The following GAREM1 variants were observed in gnomAD, a reference collection of about 807,000 sequenced individuals.
GAREM1 encodes the protein GRB2 associated regulator of MAPK1 subtype 1.
GAREM1 carries 26 observed loss-of-function variants against 71.3 expected under a neutral mutation model. That is an observed-to-expected ratio of 0.36 (90% CI 0.27 to 0.51). The LOEUF (loss-of-function observed/expected upper bound fraction) is 0.51. GAREM1 is among the 20% of genes least tolerant of loss of function. The pLI is 0.95. For synonymous variants in GAREM1, 440 were observed against 433.2 expected (o/e 1.02, Z -0.20); for missense variants, 1,026 against 1,103.1 (o/e 0.93, Z 0.99).
intron 4 of GAREM1, among the ~76,000 whole-genome samples, chr18:32,282,457 C>G (rs1460172510): frequency 2.0e-5 from 3 of 152,136 alleles, no homozygotes; most frequent in Non-Finnish European, 4.4e-5. Context: ...GAACACTGAT[C>G]ACTGGGTGCT....
At chr18:32,381,025 T>C (rs2048092144) in intron 2 of GAREM1, among the ~76,000 whole-genome samples, 1 of 151,838 alleles carries the variant, frequency 6.6e-6, no homozygotes, top group African/African-American at 2.4e-5. Flanking sequence ...GAATTCCTCC[T>C]ACTAGATGCA....
intron 4 of GAREM1, among the ~76,000 whole-genome samples, chr18:32,275,688 T>C (rs2041531827): frequency 6.6e-6 from 1 of 152,020 alleles, no homozygotes; most frequent in Admixed American, 6.6e-5. Context: ...GTCTATCTCT[T>C]TTTTTTTGAG....
intron 2 of GAREM1, among the ~76,000 whole-genome samples, chr18:32,363,871 GGTTA>G (rs1443328806): frequency 6.0e-5 from 9 of 149,048 alleles, no homozygotes; most frequent in African/African-American, 2.0e-4. Flanking sequence ...TTTTGGCAAA[GGTTA>G]TCTTTCATCA....
chr18:32,303,182 C>A (rs1598944618), intron 3 of GAREM1, among the ~76,000 whole-genome samples: 1 of 152,200 alleles, frequency 6.6e-6, no homozygotes, highest in South Asian at 2.1e-4. Context: ...ATGGATCTCA[C>A]TAACTAGTTG....
chr18:32,467,916 A>G (rs971319449), intron 1 of GAREM1, among the ~76,000 whole-genome samples: 2 of 152,190 alleles, frequency 1.3e-5, no homozygotes, highest in Admixed American at 6.5e-5. Context: ...ACTGTGTGAA[A>G]CATGTTTAAA....
rs115217743 is a variant in GAREM1 at position 32,441,262 on chromosome 18, T to A, written c.121+29046A>T. Among the ~76,000 whole-genome samples, 351 of 152,162 alleles carry A rather than the reference T, an allele frequency of 2.3e-3. 2 individuals are homozygous for A. Among genetic ancestry groups the A allele is most frequent in the African/African-American group, 8.1e-3 (335 of 41,450 alleles). The stretch of plus-strand genomic sequence containing the variant: ...ACTAAGAATACTTAACAATTTTTTT[T>A]AAAATTCATTTAAGAATTTGGGTTC... On this transcript the variant is annotated intron_variant, in intron 1 of 5. Coordinates refer to ENST00000269209, the MANE Select transcript of GAREM1 (RefSeq NM_001242409.2).
chr18:32,463,451 TCTC>T (rs2048970316), intron 1 of GAREM1, among the ~76,000 whole-genome samples: 2 of 152,224 alleles, frequency 1.3e-5, no homozygotes, highest in East Asian at 1.9e-4. Context: ...TACAATGTCC[TCTC>T]CTATTTTTTT....
At chr18:32,400,173 C>A (rs1258889727) in intron 1 of GAREM1, among the ~76,000 whole-genome samples, 1 of 152,136 alleles carries the variant, frequency 6.6e-6, no homozygotes, top group Non-Finnish European at 1.5e-5. Context: ...AAAATTAATT[C>A]AAGATGGATT....
At chr18:32,427,928 C>T (rs1482218283) in intron 1 of GAREM1, among the ~76,000 whole-genome samples, 1 of 151,818 alleles carries the variant, frequency 6.6e-6, no homozygotes, top group Non-Finnish European at 1.5e-5. Flanking sequence ...AAAAGGGGTC[C>T]TATGAAATTT....
chr18:32,364,024 A>ATTT lies in GAREM1; in HGVS notation c.262+28870_262+28871insAAA, dbSNP rs1292370389. 2.7e-4 allele frequency among the ~76,000 whole-genome samples: 14 copies of ATTT among 52,184 alleles called. 1 individual carries two copies. The highest frequency in any genetic ancestry group is 2.1e-3 in the African/African-American group (14 of 6,586). 34.2% of individuals were successfully genotyped at this position (52,184 alleles called of 152,430 possible). A position where few individuals can be genotyped will look rare whatever the true frequency, so the allele number is the denominator to read the frequency against. On this transcript the variant is annotated intron_variant, in intron 2 of 5. Transcript: ENST00000269209. Reference sequence around the variant, plus strand: ...TATATATATATATATATATATATATATATGTTTTTTTTTTTTTTTTTTTTT... The same window carrying ATTT: ...TATATATATATATATATATATATATATTTTATGTTTTTTTTTTTTTTTTTTTTT...
intron 1 of GAREM1, among the ~76,000 whole-genome samples, chr18:32,411,236 A>T (rs1470401064): frequency 6.6e-6 from 1 of 152,224 alleles, no homozygotes; most frequent in African/African-American, 2.4e-5. Flanking sequence ...TTTCAATTCA[A>T]CTAACAAAAT....
chr18:32,429,023 C>T (rs2048600190), intron 1 of GAREM1, among the ~76,000 whole-genome samples: 1 of 152,022 alleles, frequency 6.6e-6, no homozygotes, highest in African/African-American at 2.4e-5. Flanking sequence ...TTATGTACTA[C>T]CCTCTCCTCT....
At chr18:32,425,776 A>T (rs1386861579) in intron 1 of GAREM1, among the ~76,000 whole-genome samples, 5 of 152,192 alleles carry the variant, frequency 3.3e-5, no homozygotes, top group Non-Finnish European at 7.3e-5. Flanking sequence ...ATCTAATCTA[A>T]GTAGCTCTTG....
chr18:32,345,179 C>T (rs989840364), intron 2 of GAREM1, among the ~76,000 whole-genome samples: 4 of 152,152 alleles, frequency 2.6e-5, no homozygotes, highest in African/African-American at 4.8e-5. Context: ...AGGCATAGTA[C>T]AGTTAGCTCT....
chr18:32,419,343 T>C (rs1687870870), intron 1 of GAREM1, among the ~76,000 whole-genome samples: 1 of 152,068 alleles, frequency 6.6e-6, no homozygotes, highest in South Asian at 2.1e-4. Flanking sequence ...AAGTGCATGT[T>C]GAAATCCTGA....
At chr18:32,297,391 T>C (rs1398952745) in intron 3 of GAREM1, among the ~76,000 whole-genome samples, 1 of 152,216 alleles carries the variant, frequency 6.6e-6, no homozygotes, top group Non-Finnish European at 1.5e-5. Flanking sequence ...TGAACGTATG[T>C]AAACAAATGC....
chr18:32,315,267 C>T (rs2047364617), intron 2 of GAREM1, among the ~76,000 whole-genome samples: 1 of 151,796 alleles, frequency 6.6e-6, no homozygotes, highest in Non-Finnish European at 1.5e-5. Flanking sequence ...CACTATAGTG[C>T]TATCTAGCAG....
chr18:32,285,886 T>C (rs1432249962), intron 4 of GAREM1, among the ~76,000 whole-genome samples: 3 of 152,246 alleles, frequency 2.0e-5, no homozygotes, highest in East Asian at 3.9e-4. Flanking sequence ...TCCAGAAAGG[T>C]GTCCTAAGAT....
intron 1 of GAREM1, among the ~76,000 whole-genome samples, chr18:32,458,523 T>C (rs1359842724): frequency 3.3e-5 from 5 of 151,972 alleles, no homozygotes; most frequent in Non-Finnish European, 5.9e-5. Context: ...CTTATGAACA[T>C]TGACTGCTGA....
Sources: allele counts gnomAD v4.1 joint callset (sites outside exome capture counted in the v4.1 genomes callset), GRCh38; gene constraint gnomAD v4.1.1; transcripts MANE v1.5; gene names NCBI Gene and HGNC (gene_info 2026-07-23, HGNC 2026-07-21).